The following CD3E variants were observed in gnomAD, a reference collection of about 807,000 sequenced individuals.
The protein encoded by CD3E is T-cell surface glycoprotein CD3 epsilon chain.
Under a neutral mutation model 34.7 loss-of-function variants are expected in CD3E, and 16 were observed. That is an observed-to-expected ratio of 0.46 (90% CI 0.31 to 0.70). The LOEUF (loss-of-function observed/expected upper bound fraction) is 0.70. CD3E is among the 30% of genes least tolerant of loss of function. The pLI, the probability that CD3E is intolerant of heterozygous loss-of-function variation, is 0.05. For missense variants in CD3E, 223 were observed against 253.9 expected, an observed-to-expected ratio of 0.88 and a Z score of 0.83; for synonymous variants, 70 against 90.8, an observed-to-expected ratio of 0.77 and a Z score of 1.30.
chr11:118,309,923 C>A (rs1948126665), intron 4 of CD3E, among the ~76,000 whole-genome samples: 1 of 152,204 alleles, frequency 6.6e-6, no homozygotes, highest in South Asian at 2.1e-4. Context: ...GTTGAGGCTG[C>A]ATTGAGCAAA....
At chr11:118,314,960 TACAC>T (rs58102034) in intron 8 of CD3E, among the ~76,000 whole-genome samples, 17,170 of 143,476 alleles carry the variant, frequency 0.12, 1,099 homozygotes, top group Admixed American at 0.17. Context: ...CACACACACA[TACAC>T]ACACACACAC....
At chr11:118,307,987 G>A (rs1381657777) in intron 3 of CD3E, among the ~76,000 whole-genome samples, 1 of 152,112 alleles carries the variant, frequency 6.6e-6, no homozygotes. Flanking sequence ...TGGCCAACAT[G>A]GCGAAACCCC....
intron 4 of CD3E, 65 bp downstream of exon 4, chr11:118,308,506 C>A: frequency 2.9e-6 from 3 of 1,019,340 alleles, no homozygotes; most frequent in Non-Finnish European, 4.6e-6. Flanking sequence ...TCATAGAGTA[C>A]AATCACAGTA....
chr11:118,313,669 C>G, intron 6 of CD3E, 38 bp from the exon 7 acceptor site: 1 of 1,604,950 alleles, frequency 6.2e-7, no homozygotes, highest in East Asian at 2.2e-5. Context: ...GTTTTCCTTG[C>G]TTAGTGATTT....
In CD3E at chr11:118,313,782, GC is replaced by G; in HGVS notation, c.429del (p.Leu144CysfsTer19). On this transcript the variant is annotated frameshift_variant, in exon 7 of 9. Transcript: ENST00000361763. LOFTEE classifies it high-confidence loss of function. ...IVIVDICITG[G>X]LLLLVYYWSK... ...ATAGTGGACATCTGCATCACTGGGG[GC>G]TTGCTGCTGCTGGTTTACTACTGGA... 3 of 1,614,126 alleles carry G rather than the reference GC, an allele frequency of 1.9e-6. No individual in the cohort carries two copies. Among genetic ancestry groups the G allele is most frequent in the Non-Finnish European group, 1.7e-6 (2 of 1,180,016 alleles).
rs1211598873 is a variant in CD3E at position 118,312,093 on chromosome 11, C to G, written c.86-60C>G. 4.0e-6 allele frequency: 6 copies of G among 1,492,480 alleles called. No homozygotes were observed. The East Asian group carries it at 1.4e-4, about 34-fold the overall frequency. 92.5% of individuals were successfully genotyped at this position (1,492,480 alleles called of 1,614,324 possible). A position where few individuals can be genotyped will look rare whatever the true frequency, so the allele number is the denominator to read the frequency against. On this transcript the variant is annotated intron_variant, in intron 4 of 8. Coordinates refer to ENST00000361763, the MANE Select transcript of CD3E (RefSeq NM_000733.4). ...TCTAATTCCACTAGAAAAGTTTTAC[C>G]TACAATTTAAACTTAAACCATGATA...
chr11:118,308,574 C>T (rs1244543192), intron 4 of CD3E, 133 bp downstream of exon 4: 5 of 702,892 alleles, frequency 7.1e-6, no homozygotes, highest in African/African-American at 1.8e-5. Flanking sequence ...TCAATGGGAT[C>T]CGTATGAAAC....
intron 4 of CD3E, among the ~76,000 whole-genome samples, chr11:118,309,906 T>C (rs1291701064): frequency 1.3e-5 from 2 of 152,208 alleles, no homozygotes; most frequent in African/African-American, 4.8e-5. Flanking sequence ...TCGCTTGAGC[T>C]CAGAAGGTTG....
chr11:118,306,474 T>C (rs1010924092), intron 2 of CD3E, among the ~76,000 whole-genome samples: 1 of 149,374 alleles, frequency 6.7e-6, no homozygotes, highest in Non-Finnish European at 1.5e-5. Flanking sequence ...CAGCCTGGAG[T>C]GTCTCAAAAT....
chr11:118,312,564 C>T, intron 5 of CD3E, 54 bp from the exon 6 acceptor site: 1 of 1,610,946 alleles, frequency 6.2e-7, no homozygotes, highest in Admixed American at 1.7e-5. Flanking sequence ...CACTAATTTG[C>T]CTTTTCTAAA....
rs1377820781 is a variant in CD3E at position 118,309,077 on chromosome 11, A to G, written c.85+636A>G. Among the ~76,000 whole-genome samples the G allele has an allele frequency of 1.3e-5, 2 of 152,356 alleles. 1 individual carries two copies. Among genetic ancestry groups the G allele is most frequent in the South Asian group, 4.1e-4 (2 of 4,832 alleles). ...GATAAAGCTGTATAGTATGAGGATA[A>G]GAGTCTAACTGAGCTAGATCAGAAT... On this transcript the variant is annotated intron_variant, in intron 4 of 8. Transcript: ENST00000361763.
At chr11:118,314,327 G>T in intron 7 of CD3E, 121 bp from the exon 8 acceptor site, 1 of 788,036 alleles carries the variant, frequency 1.3e-6, no homozygotes, top group South Asian at 1.4e-5. Flanking sequence ...AACAGAAAAG[G>T]GAGCGGTAGA....
intron 5 of CD3E, 135 bp downstream of exon 5, chr11:118,312,305 A>G: frequency 1.1e-6 from 1 of 913,674 alleles, no homozygotes; most frequent in Non-Finnish European, 1.8e-6. Flanking sequence ...TCCATTTTAG[A>G]AAGGTTCCAA....
intron 7 of CD3E, 30 bp from the exon 8 acceptor site, chr11:118,314,418 A>AACC (rs1353870827): frequency 6.2e-7 from 1 of 1,606,328 alleles, no homozygotes. Context: ...CCCTCATGGG[A>AACC]ATGAAATGTT....
At position 118,312,689 on chromosome 11, in the gene CD3E, T is replaced by C. The variant is rs372945302; in HGVS notation, c.175T>C (p.Trp59Arg). 1.9e-6 allele frequency: 3 copies of C among 1,613,988 alleles called. No individual in the cohort carries two copies. Among genetic ancestry groups the C allele is most frequent in the Non-Finnish European group, 2.5e-6 (3 of 1,180,004 alleles). ...CPQYPGSEIL[W>R]QHNDKNIGGD... ...TCAGTATCCTGGATCTGAAATACTA[T>C]GGCAACACAATGATAAAAACATAGG... is the stretch of plus-strand genomic sequence containing the variant. The change falls in exon 6 of 9, where the codon TGG (tryptophan) becomes CGG (arginine). Residue 59 changes from tryptophan to arginine, a missense_variant. Physicochemically the swap from Trp to Arg is moderately radical, Grantham distance 101 (BLOSUM62 -3). Coordinates refer to ENST00000361763, the MANE Select transcript of CD3E (RefSeq NM_000733.4).
Position 118,312,802 on chromosome 11 carries a change from T to A in CD3E, c.288T>A (p.Tyr96Ter). The change falls in exon 6 of 9, where the codon TAT becomes TAA. Residue 96 changes from tyrosine to a stop codon, truncating the protein, a stop_gained. Transcript: ENST00000361763. LOFTEE classifies it high-confidence loss of function. ...CAGAATTGGAGCAAAGTGGTTATTATGTCTGCTACCCCAGAGGAAGCAAAC... is the reference window on the plus strand; with the variant it reads ...CAGAATTGGAGCAAAGTGGTTATTAAGTCTGCTACCCCAGAGGAAGCAAAC... The part of the protein sequence containing the change: ...EFSELEQSGY[Y>*]VCYPRGSKPE... The A allele has an allele frequency of 6.2e-7, 1 of 1,614,234 alleles. No individual in the cohort carries two copies. Among genetic ancestry groups the A allele is most frequent in the Admixed American group, 1.7e-5 (1 of 60,034 alleles).
chr11:118,312,119 T>C, intron 4 of CD3E, 34 bp from the exon 5 acceptor site: 1 of 1,598,974 alleles, frequency 6.3e-7, no homozygotes, highest in Non-Finnish European at 8.6e-7. Flanking sequence ...AACCATGATA[T>C]TTTCTTACTG....
Position 118,315,920 on chromosome 11 carries a change from A to G in CD3E, c.*378A>G. 1 of 342,572 alleles carries G rather than the reference A, an allele frequency of 2.9e-6. No homozygotes were observed. The highest frequency in any genetic ancestry group is 2.9e-5 in the South Asian group (1 of 34,888). The allele number at this position is 342,572 out of a possible 1,614,324, so 21.2% of individuals were successfully genotyped here. A position where few individuals can be genotyped will look rare whatever the true frequency, so the allele number is the denominator to read the frequency against. ...CCCAAAGTATTCCATCTACTTTTCT[A>G]TCGCCGTCCCCTTTTGCAGCCCTCT... On this transcript the variant is annotated 3_prime_UTR_variant, in exon 9 of 9. Coordinates refer to ENST00000361763, the MANE Select transcript of CD3E (RefSeq NM_000733.4).
At position 118,313,881 on chromosome 11, in the gene CD3E, C is replaced by T. The variant is rs763127370; in HGVS notation, c.520+7C>T. 1 of 1,612,484 alleles carries T rather than the reference C, an allele frequency of 6.2e-7. No homozygotes were observed. Among genetic ancestry groups the T allele is most frequent in the South Asian group, 1.1e-5 (1 of 90,992 alleles). ...GCTGGCGGCAGGCAAAGGGGTAAGGCTGTGGAGTCCAGTCAGAGGAGATTC... is the reference window on the plus strand; with the variant it reads ...GCTGGCGGCAGGCAAAGGGGTAAGGTTGTGGAGTCCAGTCAGAGGAGATTC... On this transcript the variant is annotated splice_region_variant and intron_variant, in intron 7 of 8. Coordinates refer to ENST00000361763, the MANE Select transcript of CD3E (RefSeq NM_000733.4).
Sources: allele counts gnomAD v4.1 joint callset (sites outside exome capture counted in the v4.1 genomes callset), GRCh38; gene constraint gnomAD v4.1.1; transcripts MANE v1.5; gene names NCBI Gene and HGNC (gene_info 2026-07-23, HGNC 2026-07-21).